Variants in TPTE2 observed in about 807,000 individuals in gnomAD.
The protein encoded by TPTE2 is transmembrane phosphoinositide 3-phosphatase and tensin homolog 2, also known as phosphatidylinositol 3,4,5-trisphosphate 3-phosphatase TPTE2.
In TPTE2, 53 loss-of-function variants were observed where a neutral mutation model predicts 78.6. The ratio of observed to expected loss-of-function variants is 0.67; its 90% confidence interval spans 0.54 to 0.85. The LOEUF (loss-of-function observed/expected upper bound fraction) is 0.85, where lower values mean the gene tolerates loss of function less well. TPTE2 is among the 40% of genes least tolerant of loss of function. TPTE2 has a pLI of 0.00. For missense variants in TPTE2, 461 were observed against 623.0 expected, an observed-to-expected ratio of 0.74 and a Z score of 2.77; for synonymous variants, 175 against 206.2, an observed-to-expected ratio of 0.85 and a Z score of 1.30.
At chr13:19,493,680 C>A in intron 1 of TPTE2, 179 bp from the exon 5 acceptor site, 1 of 673,912 alleles carries the variant, frequency 1.5e-6, no homozygotes, top group Non-Finnish European at 2.7e-6. Flanking sequence ...ATGTATATGA[C>A]GACAACCAAA....
intron 1 of TPTE2, among the ~76,000 whole-genome samples, chr13:19,518,200 A>G (rs1223665349): frequency 6.6e-6 from 1 of 152,226 alleles, no homozygotes; most frequent in African/African-American, 2.4e-5. Context: ...CATTTAAAAT[A>G]CACTCATATT....
At chr13:19,438,139 T>C (rs1237012439) in exon 14 of TPTE2, 13 of 1,609,560 alleles carry the variant, frequency 8.1e-6, no homozygotes, top group African/African-American at 1.3e-5. Flanking sequence ...GCACAAACCA[T>C]AGTCCCGGTT....
chr13:19,514,342 AT>A (rs1402817101), intron 1 of TPTE2, among the ~76,000 whole-genome samples: 3 of 152,048 alleles, frequency 2.0e-5, no homozygotes, highest in African/African-American at 7.2e-5. Flanking sequence ...TGCTCCCAGT[AT>A]TTTTCACCAC....
rs186775584 is a variant in TPTE2, at chr13:19,428,620, A to G, written c.1302+1848T>C. The stretch of plus-strand genomic sequence containing the variant: ...AACATAGCAAGTCCCAGGCTCTACA[A>G]AAAATAAAAAAAATTAGGGGATTGC... On this transcript the variant is annotated intron_variant, in intron 17 of 19. Transcript: ENST00000400230. Among the ~76,000 whole-genome samples, 77 of 152,122 alleles carry G rather than the reference A, an allele frequency of 5.1e-4. No homozygotes were observed. In the East Asian group the frequency reaches 0.014, roughly 29 times the overall value.
In TPTE2 at chr13:19,482,562, A is replaced by G. The variant is rs201785211; in HGVS notation, c.120-15T>C. On this transcript the variant is annotated splice_polypyrimidine_tract_variant and intron_variant, in intron 3 of 19. Transcript: ENST00000400230. ...GTTCTAACATACTTTAGCCACCAAA[A>G]AAAAATGCAAAAATATATCATTAGA... The G allele has an allele frequency of 1.8e-4, 297 of 1,610,096 alleles. No individual in the cohort carries two copies. The highest frequency in any genetic ancestry group is 3.3e-4 in the Middle Eastern group (2 of 6,060).
the TPTE2 span, among the ~76,000 whole-genome samples, chr13:19,559,627 G>C: frequency 5.3e-5 from 8 of 151,782 alleles, no homozygotes; most frequent in East Asian, 1.4e-3. Flanking sequence ...GCTCTGAAGA[G>C]GGGGTAGGAT....
intron 1 of TPTE2, among the ~76,000 whole-genome samples, chr13:19,531,322 C>T (rs1870854774): frequency 6.6e-6 from 1 of 152,058 alleles, no homozygotes; most frequent in Non-Finnish European, 1.5e-5. Context: ...CAGCAATTTA[C>T]ATCTTTATTT....
intron 4 of TPTE2, among the ~76,000 whole-genome samples, chr13:19,482,036 G>C (rs1408949134): frequency 6.6e-6 from 1 of 151,982 alleles, no homozygotes; most frequent in Non-Finnish European, 1.5e-5. Context: ...AAACAAATAA[G>C]AATAAAATCC....
intron 1 of TPTE2, among the ~76,000 whole-genome samples, chr13:19,518,355 AATTT>A (rs1869932371): frequency 6.6e-6 from 1 of 152,216 alleles, no homozygotes; most frequent in African/African-American, 2.4e-5. Flanking sequence ...AAATATGTAC[AATTT>A]ATTATGTGTC....
chr13:19,452,701 G>A (rs1212644002), intron 10 of TPTE2, among the ~76,000 whole-genome samples: 4 of 152,016 alleles, frequency 2.6e-5, no homozygotes, highest in Non-Finnish European at 4.4e-5. Context: ...TTAAAACTTT[G>A]ATTTATTGTG....
At chr13:19,464,070 A>G (rs537274497) in intron 10 of TPTE2, among the ~76,000 whole-genome samples, 1 of 152,258 alleles carries the variant, frequency 6.6e-6, no homozygotes, top group Admixed American at 6.5e-5. Context: ...CGTAGCATGC[A>G]GTGGCTCTGT....
At chr13:19,429,288 A>G (rs548847882) in intron 17 of TPTE2, among the ~76,000 whole-genome samples, 23 of 152,390 alleles carry the variant, frequency 1.5e-4, no homozygotes, top group African/African-American at 5.3e-4. Flanking sequence ...CTGGACAATT[A>G]GTGGCAGTGA....
intron 15 of TPTE2, among the ~76,000 whole-genome samples, chr13:19,434,204 A>G (rs1480791079): frequency 1.3e-5 from 2 of 152,206 alleles, no homozygotes; most frequent in African/African-American, 4.8e-5. Context: ...ATAACTAGAG[A>G]ATGATGCAAA....
intron 16 of TPTE2, among the ~76,000 whole-genome samples, chr13:19,430,867 C>T (rs1876532960): frequency 6.6e-6 from 1 of 152,126 alleles, no homozygotes; most frequent in Non-Finnish European, 1.5e-5. Flanking sequence ...TGGCTCACAC[C>T]TGTAATCCTA....
At chr13:19,451,299 A>G in intron 10 of TPTE2, 74 bp from the exon 14 acceptor site, 1 of 1,585,240 alleles carries the variant, frequency 6.3e-7, no homozygotes, top group Non-Finnish European at 8.6e-7. Context: ...GGAACCTAAA[A>G]TGGTTATTAC....
chr13:19,561,276 C>T, the TPTE2 span: 5 of 1,127,328 alleles, frequency 4.4e-6, no homozygotes, highest in Admixed American at 2.5e-5. Flanking sequence ...TCACCTGACA[C>T]GCGGCTGCCC....
chr13:19,540,280 C>CATTATT (rs141067657), upstream of TPTE2, among the ~76,000 whole-genome samples: 64,117 of 144,832 alleles, frequency 0.44, 16,421 homozygotes, highest in East Asian at 0.78. Context: ...AATTAAATCT[C>CATTATT]ATTATTATTA....
chr13:19,451,943 T>C (rs1446208921), intron 10 of TPTE2, among the ~76,000 whole-genome samples: 2 of 151,996 alleles, frequency 1.3e-5, no homozygotes, highest in Non-Finnish European at 2.9e-5. Flanking sequence ...AATATATCTT[T>C]CTGAAACATG....
At chr13:19,543,469 G>A in the TPTE2 span, among the ~76,000 whole-genome samples, 3 of 151,144 alleles carry the variant, frequency 2.0e-5, no homozygotes, top group African/African-American at 7.3e-5. Flanking sequence ...GTGATCTCCT[G>A]CCTCAGGCCC....
Sources: gnomAD v4.1 joint callset for allele counts (sites outside exome capture counted in the v4.1 genomes callset) on GRCh38, gnomAD v4.1.1 for gene constraint, MANE v1.5 for transcripts, NCBI Gene and HGNC (gene_info 2026-07-23, HGNC 2026-07-21) for gene names.